DPP6: variants seen among roughly 807,000 people sequenced by gnomAD.
DPP6 encodes dipeptidyl peptidase like 6, also known as A-type potassium channel modulatory protein DPP6.
Under a neutral mutation model 122.6 loss-of-function variants are expected in DPP6, and 69 were observed. That is an observed-to-expected ratio of 0.56 (90% CI 0.46 to 0.69). The LOEUF is 0.69. DPP6 is among the 30% of genes least tolerant of loss of function. The pLI is 0.00. For missense variants in DPP6, 928 were observed against 1,116.9 expected, an observed-to-expected ratio of 0.83 and a Z score of 2.41; for synonymous variants, 418 against 433.1, an observed-to-expected ratio of 0.97 and a Z score of 0.43.
chr7:154,420,724 G>A (rs1029688186), intron 1 of DPP6, among the ~76,000 whole-genome samples: 1 of 152,122 alleles, frequency 6.6e-6, no homozygotes, highest in Non-Finnish European at 1.5e-5. Flanking sequence ...CAAAAAATAA[G>A]TATGAGATGA....
intron 6 of DPP6, among the ~76,000 whole-genome samples, chr7:154,662,084 A>G: frequency 6.6e-6 from 1 of 151,012 alleles, no homozygotes; most frequent in Middle Eastern, 3.3e-3. Flanking sequence ...CATAGTGTTC[A>G]TAGAGTCATG....
At chr7:154,140,964 A>G (rs1160057131) in intron 1 of DPP6, among the ~76,000 whole-genome samples, 1 of 152,046 alleles carries the variant, frequency 6.6e-6, no homozygotes, top group East Asian at 1.9e-4. Flanking sequence ...AAGTCTATAA[A>G]TTTTCTGTTA....
intron 1 of DPP6, among the ~76,000 whole-genome samples, chr7:153,890,886 CG>C (rs1371880812): frequency 7.1e-6 from 1 of 141,714 alleles, no homozygotes; most frequent in African/African-American, 2.7e-5. Context: ...TTAGTAGAGA[CG>C]GGGTTTCATC....
chr7:154,790,118 A>G (rs1198017484), intron 10 of DPP6, among the ~76,000 whole-genome samples: 2 of 152,212 alleles, frequency 1.3e-5, no homozygotes. Flanking sequence ...GAATCACTTG[A>G]ACCCAGGAGG....
the DPP6 span, among the ~76,000 whole-genome samples, chr7:153,818,761 CT>C: frequency 3.3e-5 from 5 of 151,444 alleles, no homozygotes; most frequent in Admixed American, 2.6e-4. Flanking sequence ...GTGACTTTTT[CT>C]TTTTCCCGAG....
chr7:153,816,731 A>T, the DPP6 span, among the ~76,000 whole-genome samples: 54 of 152,234 alleles, frequency 3.5e-4, no homozygotes, highest in East Asian at 5.8e-3. Flanking sequence ...TCCATGGCTC[A>T]GAGCACAGGT....
At chr7:153,989,630 G>A (rs1301426784) in intron 1 of DPP6, among the ~76,000 whole-genome samples, 9 of 152,124 alleles carry the variant, frequency 5.9e-5, no homozygotes, top group Middle Eastern at 6.8e-3. Context: ...GCTGGGGCGA[G>A]TCCCTGGAGC....
chr7:154,247,267 T>G (rs77335733), intron 1 of DPP6, among the ~76,000 whole-genome samples: 5,697 of 152,104 alleles, frequency 0.037, 190 homozygotes, highest in East Asian at 0.13. Context: ...GAGCCAAGAT[T>G]GCAGTACTGC....
intron 1 of DPP6, among the ~76,000 whole-genome samples, chr7:153,892,359 G>A (rs1012291167): frequency 6.6e-6 from 1 of 152,008 alleles, no homozygotes; most frequent in Non-Finnish European, 1.5e-5. Flanking sequence ...TGTCTCCCAG[G>A]CTGGAATGCA....
chr7:153,930,176 C>T (rs1007814920), intron 1 of DPP6, among the ~76,000 whole-genome samples: 5 of 152,186 alleles, frequency 3.3e-5, no homozygotes, highest in African/African-American at 4.8e-5. Context: ...TAGGGTCATC[C>T]GTCAGCCTTG....
intron 2 of DPP6, among the ~76,000 whole-genome samples, chr7:154,463,294 G>A (rs146187788): frequency 3.8e-5 from 5 of 131,998 alleles, no homozygotes; most frequent in South Asian, 2.5e-4. Flanking sequence ...TGCAAGCTCC[G>A]CCTCCCGGGT....
chr7:154,706,897 CT>C (rs1230933735), intron 7 of DPP6, among the ~76,000 whole-genome samples: 2 of 152,086 alleles, frequency 1.3e-5, no homozygotes, highest in African/African-American at 4.8e-5. Context: ...ATGGGAAGGT[CT>C]TTAGAGTGGT....
chr7:154,866,586 TTCCTGCTGGGACACGTG>T (rs1355441827), intron 17 of DPP6, among the ~76,000 whole-genome samples: 3 of 152,230 alleles, frequency 2.0e-5, no homozygotes, highest in African/African-American at 7.2e-5. Context: ...GTAGCTGTGT[TTCCTGCTGGGACACGTG>T]TCCTGCAAGG....
At chr7:154,244,113 T>A (rs1801822939) in intron 1 of DPP6, among the ~76,000 whole-genome samples, 1 of 150,366 alleles carries the variant, frequency 6.7e-6, no homozygotes, top group African/African-American at 2.4e-5. Context: ...ATAACCAAAT[T>A]ACTGAAAATC....
intron 16 of DPP6, among the ~76,000 whole-genome samples, chr7:154,830,781 G>A (rs979592025): frequency 2.0e-5 from 3 of 152,182 alleles, no homozygotes; most frequent in Admixed American, 6.5e-5. Context: ...AGCACACACC[G>A]TGCACGCCCT....
chr7:154,679,878 C>T (rs544886019), intron 7 of DPP6, among the ~76,000 whole-genome samples: 2 of 152,242 alleles, frequency 1.3e-5, no homozygotes, highest in African/African-American at 2.4e-5. Flanking sequence ...GATTTGTTAG[C>T]ACTACCAAAG....
intron 1 of DPP6, among the ~76,000 whole-genome samples, chr7:153,997,780 C>T (rs1357556898): frequency 6.7e-6 from 1 of 149,380 alleles, no homozygotes; most frequent in Non-Finnish European, 1.5e-5. Flanking sequence ...TGTTCGGGTG[C>T]TGGGGTTATA....
chr7:154,709,961 C>T (rs880730), intron 7 of DPP6, among the ~76,000 whole-genome samples: 37,339 of 152,116 alleles, frequency 0.25, 5,748 homozygotes, highest in East Asian at 0.46. Flanking sequence ...TACATTCCGG[C>T]TCTGCCTGAG....
chr7:153,995,588 C>CAAAAAAA (rs55905154), intron 1 of DPP6, among the ~76,000 whole-genome samples: 11 of 88,878 alleles, frequency 1.2e-4, no homozygotes, highest in African/African-American at 1.9e-4. Flanking sequence ...GACTCCGTCT[C>CAAAAAAA]AAAAAAAAAA....
Sources: allele counts gnomAD v4.1 joint callset (sites outside exome capture counted in the v4.1 genomes callset), GRCh38; gene constraint gnomAD v4.1.1; transcripts MANE v1.5; gene names NCBI Gene and HGNC (gene_info 2026-07-23, HGNC 2026-07-21).